TLN1: variants seen among roughly 807,000 people sequenced by gnomAD.
TLN1 encodes talin-1.
Under a neutral mutation model 292.3 loss-of-function variants are expected in TLN1, and 56 were observed. That is an observed-to-expected ratio of 0.19 (90% confidence interval 0.15 to 0.24). The LOEUF (loss-of-function observed/expected upper bound fraction) is 0.24, where lower values mean the gene tolerates loss of function less well. Ranked by LOEUF, TLN1 falls within the 10% of genes least tolerant of loss-of-function variation. The probability of loss-of-function intolerance (pLI) is 1.00; values close to 1 mark genes in which losing one functional copy is unlikely to be tolerated. For missense variants in TLN1, 2,433 were observed against 3,248.2 expected (o/e 0.75, Z 6.10); for synonymous variants, 1,119 against 1,253.7 (o/e 0.89, Z 2.27).
chr9:35,707,908 G>A lies in TLN1; in HGVS notation c.4471-16C>T, dbSNP rs1825593995. The A allele has an allele frequency of 6.2e-7, 1 of 1,612,330 alleles. No homozygotes were observed. Among genetic ancestry groups the A allele is most frequent in the Non-Finnish European group, 8.5e-7 (1 of 1,178,826 alleles). On this transcript the variant is annotated splice_polypyrimidine_tract_variant and intron_variant, in intron 34 of 56. Transcript: ENST00000314888. The surrounding 1 kb of genome is among the most constrained non-coding windows in gnomAD (Gnocchi z 5.6). Reference sequence around the variant, plus strand: ...CAGAGAGCACCTGAGGAGACACATGGAAGAGCCACGATGAGGGCAGGAAGG... The same window carrying A: ...CAGAGAGCACCTGAGGAGACACATGAAAGAGCCACGATGAGGGCAGGAAGG...
In TLN1 at chr9:35,722,127, GGAA is replaced by G; in HGVS notation, c.937_939del (p.Phe313del). Reference sequence around the variant, plus strand: ...AAGGGCCCATAACCTACCTTCACCAGGAAGAAGGAGACACCGTAAGTCTTGAGA... The same window carrying G: ...AAGGGCCCATAACCTACCTTCACCAGGAAGGAGACACCGTAAGTCTTGAGA... On this transcript the variant is annotated inframe_deletion, in exon 9 of 57. Coordinates refer to ENST00000314888, the MANE Select transcript of TLN1 (RefSeq NM_006289.4). 1.2e-6 allele frequency: 2 copies of G among 1,613,798 alleles called. No individual in the cohort carries two copies. Among genetic ancestry groups the G allele is most frequent in the Non-Finnish European group, 1.7e-6 (2 of 1,179,662 alleles).
At position 35,717,932 on chromosome 9, in the gene TLN1, T is replaced by C. The variant is rs533403082; in HGVS notation, c.1996-146A>G. The C allele has an allele frequency of 5.4e-6, 5 of 921,514 alleles. No homozygotes were observed. In the South Asian group the frequency reaches 6.9e-5, roughly 13 times the overall value. The allele number at this position is 921,514 out of a possible 1,614,324, so 57.1% of individuals were successfully genotyped here. ...GCAACCAGAACCTACCCCGAGCTAC[T>C]GCCCTGAGCACCCAGCAGGACAGAA... On this transcript the variant is annotated intron_variant, in intron 17 of 56. Transcript: ENST00000314888. This position sits in a 1 kb window ranked among gnomAD's most constrained non-coding sequence, Gnocchi z 4.7.
chr9:35,700,690 C>T (rs1825450419), intron 48 of TLN1, among the ~76,000 whole-genome samples: 1 of 152,118 alleles, frequency 6.6e-6, no homozygotes. Context: ...AATGGTAGGA[C>T]ATGAACAACC....
At position 35,719,381 on chromosome 9, in the gene TLN1, C is replaced by A; in HGVS notation, c.1688-99G>T. 7.3e-7 allele frequency: 1 copy of A among 1,374,888 alleles called. No individual in the cohort carries two copies. The highest frequency in any genetic ancestry group is 1.0e-6 in the Non-Finnish European group (1 of 972,002). 85.2% of individuals were successfully genotyped at this position (1,374,888 alleles called of 1,614,324 possible). The stretch of plus-strand genomic sequence containing the variant: ...CACACCCAGTTAGTCACACACATGT[C>A]CACAGAAAGACGCACACACACAGTC... On this transcript the variant is annotated intron_variant, in intron 15 of 56. Coordinates refer to ENST00000314888, the MANE Select transcript of TLN1 (RefSeq NM_006289.4). This position sits in a 1 kb window ranked among gnomAD's most constrained non-coding sequence, Gnocchi z 4.6.
At position 35,704,073 on chromosome 9, in the gene TLN1, G is replaced by A. The variant is rs759815488; in HGVS notation, c.6149C>T (p.Ser2050Phe). 3.7e-6 allele frequency: 6 copies of A among 1,613,828 alleles called. No individual in the cohort carries two copies. The African/African-American group carries it at 6.7e-5, about 18-fold the overall frequency. ...GAGGCGGGTGATGGTCGCCACGGAGGACTGGGCAGCCTGCGCCAACTTCTC... is the reference window on the plus strand; with the variant it reads ...GAGGCGGGTGATGGTCGCCACGGAGAACTGGGCAGCCTGCGCCAACTTCTC... ...SQEKLAQAAQ[S>F]SVATITRLAD... The change falls in exon 46 of 57, where the codon TCC becomes TTC. Residue 2050 changes from serine to phenylalanine, a missense_variant. Physicochemically the swap from Ser to Phe is radical, Grantham distance 155. Coordinates refer to ENST00000314888, the MANE Select transcript of TLN1 (RefSeq NM_006289.4). This position sits in a 1 kb window ranked among gnomAD's most constrained non-coding sequence, Gnocchi z 6.9.
At position 35,699,923 on chromosome 9, in the gene TLN1, G is replaced by T; in HGVS notation, c.6768+51C>A. ...AGGGTGCGAGGCCTGCAGGAAGAGG[G>T]CTGTGTATTCAGGGAGGCTGGTATG... is the stretch of plus-strand genomic sequence containing the variant. On this transcript the variant is annotated intron_variant, in intron 50 of 56. Transcript: ENST00000314888. The surrounding 1 kb of genome is among the most constrained non-coding windows in gnomAD (Gnocchi z 4.0). The T allele has an allele frequency of 6.5e-7, 1 of 1,544,624 alleles. No homozygotes were observed. Among genetic ancestry groups the T allele is most frequent in the Non-Finnish European group, 8.9e-7 (1 of 1,128,734 alleles).
chr9:35,714,122 G>A lies in TLN1; in HGVS notation c.3121-41C>T, dbSNP rs1179239482. The A allele has an allele frequency of 3.7e-6, 6 of 1,610,168 alleles. No homozygotes were observed. Among genetic ancestry groups the A allele is most frequent in the East Asian group, 4.5e-5 (2 of 44,784 alleles). On this transcript the variant is annotated intron_variant, in intron 24 of 56. Coordinates refer to ENST00000314888, the MANE Select transcript of TLN1 (RefSeq NM_006289.4). The surrounding 1 kb of genome is among the most constrained non-coding windows in gnomAD (Gnocchi z 4.6). ...GGTTTTGGGTGTAGAAGGTCCTGCT[G>A]TGTCTCACCAATGCCTCTGATTACA...
chr9:35,724,281 C>T lies in TLN1; in HGVS notation c.565G>A (p.Glu189Lys). 2 of 1,614,222 alleles carry T rather than the reference C, an allele frequency of 1.2e-6. No homozygotes were observed. The highest frequency in any genetic ancestry group is 1.7e-6 in the Non-Finnish European group (2 of 1,180,048). ...TLREQGVEEH[E>K]TLLLRRKFFY... ...AACTTCCTCCGCAGCAGCAGCGTCT[C>T]GTGCTCCTCTACACCCTGCTCCCTC... Residue 189 changes from glutamate (E) to lysine (K), a missense_variant, in exon 6 of 57, where the codon GAG (glutamate) becomes AAG (lysine). Physicochemically the swap from Glu to Lys is moderately conservative, Grantham distance 56 (BLOSUM62 1). This residue lies in a region of TLN1 where 155 missense variants were observed against 287.9 expected (regional missense o/e 0.54). Transcript: ENST00000314888. This position sits in a 1 kb window ranked among gnomAD's most constrained non-coding sequence, Gnocchi z 4.7.
At chr9:35,726,732 T>C (rs909885216) in intron 1 of TLN1, among the ~76,000 whole-genome samples, 3 of 152,200 alleles carry the variant, frequency 2.0e-5, no homozygotes, top group African/African-American at 7.2e-5. Flanking sequence ...GCAGTCAAGC[T>C]AGAAATGTGA....
intron 48 of TLN1, among the ~76,000 whole-genome samples, 190 bp from the exon 49 acceptor site, chr9:35,700,566 CA>C (rs1196892628): frequency 1.3e-5 from 2 of 152,106 alleles, no homozygotes; most frequent in African/African-American, 2.4e-5. Flanking sequence ...AAAGTAATTA[CA>C]AAAGTGGCTT....
At position 35,703,904 on chromosome 9, in the gene TLN1, T is replaced by C; in HGVS notation, c.6232-4A>G. On this transcript the variant is annotated splice_polypyrimidine_tract_variant and splice_region_variant and intron_variant, in intron 46 of 56. Transcript: ENST00000314888. ...TCACTGCGTTGATTAGTACCACCTG[T>C]GTGGGAAAGCGTTGGCTCTGGTCTA... The C allele has an allele frequency of 6.2e-7, 1 of 1,614,124 alleles. No individual in the cohort carries two copies. The highest frequency in any genetic ancestry group is 8.5e-7 in the Non-Finnish European group (1 of 1,180,026).
At chr9:35,728,744 T>G (rs983705113) in intron 1 of TLN1, among the ~76,000 whole-genome samples, 1 of 152,242 alleles carries the variant, frequency 6.6e-6, no homozygotes, top group African/African-American at 2.4e-5. Context: ...CCTCCCATTA[T>G]GTAGACATTC....
rs1233678825 is a variant in TLN1, at chr9:35,716,467, G to A, written c.2548C>T (p.Leu850=). Residue 850 remains leucine, a synonymous_variant, in exon 20 of 57, where the codon CTG becomes TTG. Transcript: ENST00000314888. ...CTTAAGAGCTTGCGGGAGTTCTCCAGATCACTTTCCCCCTCAGCATCAGCC... is the reference window on the plus strand; with the variant it reads ...CTTAAGAGCTTGCGGGAGTTCTCCAAATCACTTTCCCCCTCAGCATCAGCC... ...IKADAEGESD[L]ENSRKLLSAA... is the part of the protein sequence containing the mutation. The A allele has an allele frequency of 1.2e-6, 2 of 1,614,130 alleles. No homozygotes were observed. Among genetic ancestry groups the A allele is most frequent in the African/African-American group, 2.7e-5 (2 of 74,938 alleles).
rs55698605 is a variant in TLN1, at chr9:35,722,243, G to T, written c.844-20C>A. ...GTGTGCCTGTGCATAAAATGGGGAA[G>T]AATTTAGCAAAGAGTTTCATATCAC... On this transcript the variant is annotated intron_variant, in intron 8 of 56. Coordinates refer to ENST00000314888, the MANE Select transcript of TLN1 (RefSeq NM_006289.4). The T allele has an allele frequency of 6.4e-5, 102 of 1,605,294 alleles. No individual in the cohort carries two copies. The highest frequency in any genetic ancestry group is 8.4e-5 in the Non-Finnish European group (99 of 1,171,902).
In TLN1 at chr9:35,704,353, G is replaced by A; in HGVS notation, c.6026C>T (p.Thr2009Ile). Residue 2009 changes from threonine (T) to isoleucine (I), a missense_variant, in exon 45 of 57, where the codon ACT becomes ATT. Thr to Ile is a moderately conservative substitution (Grantham distance 89). Coordinates refer to ENST00000314888, the MANE Select transcript of TLN1 (RefSeq NM_006289.4). The surrounding 1 kb of genome is among the most constrained non-coding windows in gnomAD (Gnocchi z 6.9). ...ATAGTLNREG[T>I]ETFADHREGI... ...TTACCGGTGGTCAGCGAAAGTTTCAGTACCCTCACGATTGAGCGTGCCAGC... is the reference window on the plus strand; with the variant it reads ...TTACCGGTGGTCAGCGAAAGTTTCAATACCCTCACGATTGAGCGTGCCAGC... The A allele has an allele frequency of 6.2e-7, 1 of 1,613,768 alleles. No individual in the cohort carries two copies. Among genetic ancestry groups the A allele is most frequent in the Middle Eastern group, 1.7e-4 (1 of 6,060 alleles).
Position 35,715,126 on chromosome 9 carries a change from C to T in TLN1, c.2687G>A (p.Gly896Glu), listed in dbSNP as rs1825754918. The T allele has an allele frequency of 6.2e-7, 1 of 1,613,126 alleles. No homozygotes were observed. Among genetic ancestry groups the T allele is most frequent in the Non-Finnish European group, 8.5e-7 (1 of 1,180,048 alleles). ...AGCTGCATTGGTGGCCATGCGCAGC[C>T]CCTCAGCTGCCTCCCGCAGCCGCTG... Reference protein sequence around the residue: ...QQQRLREAAEGLRMATNAAAQ... With the variant: ...QQQRLREAAEELRMATNAAAQ... The change falls in exon 21 of 57, where the codon GGG becomes GAG. Residue 896 changes from glycine (G) to glutamate (E), a missense_variant. By Grantham distance (98) the Gly-to-Glu change is moderately conservative. Transcript: ENST00000314888.
At chr9:35,725,825 C>T (rs1046160310) in intron 1 of TLN1, 98 bp from the exon 2 acceptor site, 4 of 1,058,712 alleles carry the variant, frequency 3.8e-6, no homozygotes, top group Non-Finnish European at 4.1e-6. Context: ...TTGAAAGGGA[C>T]TCACCAAAGT....
chr9:35,698,004 C>T lies in TLN1; in HGVS notation c.7500+40G>A, dbSNP rs1825396236. On this transcript the variant is annotated intron_variant, in intron 56 of 56. Transcript: ENST00000314888. This position sits in a 1 kb window ranked among gnomAD's most constrained non-coding sequence, Gnocchi z 5.3. ...GGACCAGCGCAGGCAACATGACTGC[C>T]CTCCTGACAGCGTCCCTCAGCATCT... The T allele has an allele frequency of 6.2e-7, 1 of 1,614,022 alleles. No individual in the cohort carries two copies. The highest frequency in any genetic ancestry group is 8.5e-7 in the Non-Finnish European group (1 of 1,179,992).
chr9:35,729,031 AAT>A (rs1368587888), intron 1 of TLN1, among the ~76,000 whole-genome samples: 1 of 148,338 alleles, frequency 6.7e-6, no homozygotes, highest in African/African-American at 2.5e-5. Context: ...AATTTTAAAA[AAT>A]AGAGATAATA....
Sources: gnomAD v4.1 joint callset for allele counts (sites outside exome capture counted in the v4.1 genomes callset) on GRCh38, gnomAD v4.1.1 for gene constraint, gnomAD v4.1.1 regional missense constraint, Gnocchi (gnomAD v3.1) non-coding constraint, MANE v1.5 for transcripts, NCBI Gene and HGNC (gene_info 2026-07-23, HGNC 2026-07-21) for gene names.